The following CCNY variants were observed in gnomAD, a reference collection of about 807,000 sequenced individuals.
The protein encoded by CCNY is cyclin-Y.
In CCNY, 19 loss-of-function variants were observed where a neutral mutation model predicts 42.8. The ratio of observed to expected loss-of-function variants is 0.44; its 90% CI spans 0.31 to 0.65. The LOEUF (loss-of-function observed/expected upper bound fraction) is 0.65. Among genes scored for constraint, CCNY ranks in the 30% least tolerant of loss-of-function variants. The pLI, the probability that CCNY is intolerant of heterozygous loss-of-function variation, is 0.07. For synonymous variants in CCNY, 165 were observed against 162.7 expected (o/e 1.01, Z -0.11); for missense variants, 370 against 437.3 (o/e 0.85, Z 1.37).
intron 3 of CCNY, among the ~76,000 whole-genome samples, chr10:35,323,085 G>C (rs536851662): frequency 6.6e-6 from 1 of 152,032 alleles, no homozygotes; most frequent in African/African-American, 2.4e-5. Context: ...GCCACCATGC[G>C]TGGCAAATTT....
chr10:35,405,208 G>A (rs750910567), intron 1 of CCNY, among the ~76,000 whole-genome samples: 10 of 152,192 alleles, frequency 6.6e-5, no homozygotes, highest in Non-Finnish European at 1.2e-4. Context: ...TGCTGTAACA[G>A]GCAAGTGACA....
chr10:35,404,446 A>C (rs958759873), intron 1 of CCNY, among the ~76,000 whole-genome samples: 5 of 152,192 alleles, frequency 3.3e-5, no homozygotes. Flanking sequence ...TTTAGGATCT[A>C]TGGAGTCATC....
chr10:35,396,586 T>C (rs961814007), intron 1 of CCNY, among the ~76,000 whole-genome samples: 7 of 152,260 alleles, frequency 4.6e-5, no homozygotes, highest in Non-Finnish European at 7.3e-5. Flanking sequence ...TCTCGGCATC[T>C]GGCAAGGCCA....
At chr10:35,288,759 C>T (rs1302362242) in intron 3 of CCNY, among the ~76,000 whole-genome samples, 2 of 152,162 alleles carry the variant, frequency 1.3e-5, no homozygotes, top group African/African-American at 4.8e-5. Context: ...TCAGTTTTAC[C>T]TTTAATCTCT....
intron 1 of CCNY, among the ~76,000 whole-genome samples, chr10:35,337,449 C>T (rs1286378761): frequency 1.3e-5 from 2 of 152,178 alleles, no homozygotes; most frequent in East Asian, 1.9e-4. Flanking sequence ...CACGGCGGGC[C>T]TAGGGCGGGT....
chr10:35,457,287 A>G lies in CCNY; in HGVS notation c.155-26117A>G, dbSNP rs185205824. On this transcript the variant is annotated intron_variant, in intron 1 of 9. Coordinates refer to ENST00000374704, the MANE Select transcript of CCNY (RefSeq NM_145012.6). ...CCTCTTTAGTGAGGATGGCACCCTC[A>G]TTAAAGTCTCCGCAGATGACTGCCT... Among the ~76,000 whole-genome samples the G allele has an allele frequency of 2.8e-3, 427 of 152,290 alleles. 1 individual carries two copies. The highest frequency in any genetic ancestry group is 5.0e-3 in the Non-Finnish European group (337 of 68,024).
intron 3 of CCNY, among the ~76,000 whole-genome samples, chr10:35,319,333 C>T (rs556075740): frequency 4.6e-5 from 7 of 152,068 alleles, no homozygotes; most frequent in East Asian, 1.9e-4. Context: ...GAGTTATGAT[C>T]GCTACTGTAT....
chr10:35,482,462 C>T (rs1175833265), intron 1 of CCNY, among the ~76,000 whole-genome samples: 2 of 151,984 alleles, frequency 1.3e-5, no homozygotes, highest in Non-Finnish European at 2.9e-5. Context: ...GTTTTTTAAA[C>T]TGGAAAAACT....
At chr10:35,446,935 T>C (rs932766967) in intron 1 of CCNY, among the ~76,000 whole-genome samples, 23 of 152,236 alleles carry the variant, frequency 1.5e-4, no homozygotes, top group African/African-American at 5.5e-4. Context: ...TTTAGATAAA[T>C]TGATTATACA....
At chr10:35,317,737 A>G (rs1835776703) in intron 3 of CCNY, among the ~76,000 whole-genome samples, 1 of 152,164 alleles carries the variant, frequency 6.6e-6, no homozygotes, top group Non-Finnish European at 1.5e-5. Context: ...CTCCCAGGGA[A>G]AGGGGACGTG....
intron 1 of CCNY, among the ~76,000 whole-genome samples, chr10:35,473,279 T>C (rs928327193): frequency 6.6e-5 from 10 of 152,236 alleles, no homozygotes; most frequent in African/African-American, 2.4e-4. Context: ...AGCTCTCGGC[T>C]TCTGTGTGGT....
chr10:35,293,060 G>A (rs1213779595), intron 3 of CCNY, among the ~76,000 whole-genome samples: 1 of 150,300 alleles, frequency 6.7e-6, no homozygotes, highest in South Asian at 2.1e-4. Flanking sequence ...GATTACAGGT[G>A]TGAGCCACCG....
chr10:35,324,597 C>T (rs1835858226), intron 3 of CCNY, among the ~76,000 whole-genome samples: 1 of 152,106 alleles, frequency 6.6e-6, no homozygotes, highest in Non-Finnish European at 1.5e-5. Context: ...AAACAAGACA[C>T]CCAGTAATTC....
At chr10:35,300,736 T>G (rs1283872777) in intron 3 of CCNY, among the ~76,000 whole-genome samples, 1 of 152,220 alleles carries the variant, frequency 6.6e-6, no homozygotes. Flanking sequence ...GTAAATATGC[T>G]GTTTGTTAAG....
intron 1 of CCNY, among the ~76,000 whole-genome samples, chr10:35,454,663 C>T (rs1838991468): frequency 6.6e-6 from 1 of 152,194 alleles, no homozygotes; most frequent in African/African-American, 2.4e-5. Flanking sequence ...CCAGTGGGGC[C>T]CTGCATGAGG....
At chr10:35,387,319 C>T (rs1837319802) in intron 1 of CCNY, among the ~76,000 whole-genome samples, 1 of 152,140 alleles carries the variant, frequency 6.6e-6, no homozygotes, top group Admixed American at 6.5e-5. Flanking sequence ...GCGGGAGCTC[C>T]CATAAGAATG....
chr10:35,287,758 T>C (rs1287980534), intron 3 of CCNY, among the ~76,000 whole-genome samples: 2 of 152,214 alleles, frequency 1.3e-5, no homozygotes, highest in African/African-American at 4.8e-5. Flanking sequence ...ACTTTTGGTT[T>C]GTCTTCAGGT....
At chr10:35,336,283 T>TC (rs1836023582), upstream of CCNY, 1 of 150,558 alleles carries the variant, frequency 6.6e-6, no homozygotes, top group African/African-American at 2.4e-5. Flanking sequence ...AGAGGCCGGG[T>TC]GGGGAAGGGC....
intron 1 of CCNY, among the ~76,000 whole-genome samples, chr10:35,347,138 A>G (rs749230243): frequency 3.9e-5 from 6 of 152,128 alleles, no homozygotes; most frequent in Non-Finnish European, 8.8e-5. Context: ...CTTATTGGGG[A>G]TGTGTAGTGG....
Sources: gnomAD v4.1 joint callset for allele counts (sites outside exome capture counted in the v4.1 genomes callset) on GRCh38, gnomAD v4.1.1 for gene constraint, MANE v1.5 for transcripts, NCBI Gene and HGNC (gene_info 2026-07-23, HGNC 2026-07-21) for gene names.